The following BAZ2B variants were observed in gnomAD, a reference collection of about 807,000 sequenced individuals.
BAZ2B encodes bromodomain adjacent to zinc finger domain protein 2B.
A neutral mutation model predicts 246.0 loss-of-function variants in BAZ2B; 91 were observed. That is an observed-to-expected ratio of 0.37 (90% CI 0.31 to 0.44). The LOEUF is 0.44. BAZ2B is among the 20% of genes least tolerant of loss of function. The pLI, the probability that BAZ2B is intolerant of heterozygous loss-of-function variation, is 1.00. For missense variants in BAZ2B, 2,332 were observed against 2,533.7 expected, an observed-to-expected ratio of 0.92 and a Z score of 1.71; for synonymous variants, 855 against 860.0, an observed-to-expected ratio of 0.99 and a Z score of 0.10.
intron 2 of BAZ2B, among the ~76,000 whole-genome samples, chr2:159,526,341 G>A (rs560024923): frequency 2.6e-5 from 4 of 152,174 alleles, no homozygotes; most frequent in Admixed American, 6.5e-5. Flanking sequence ...CATGTAGACC[G>A]TAATACAGTA....
At chr2:159,657,608 C>G in the BAZ2B span, among the ~76,000 whole-genome samples, 1 of 152,176 alleles carries the variant, frequency 6.6e-6, no homozygotes, top group Admixed American at 6.6e-5. Context: ...GAATATCTCA[C>G]AATTTACTTA....
chr2:159,426,230 T>C (rs2069834926), intron 13 of BAZ2B, among the ~76,000 whole-genome samples: 1 of 152,168 alleles, frequency 6.6e-6, no homozygotes, highest in Non-Finnish European at 1.5e-5. Flanking sequence ...TTCTACTCTG[T>C]GTAATGAGGC....
intron 2 of BAZ2B, among the ~76,000 whole-genome samples, chr2:159,482,153 A>G (rs1411075225): frequency 6.6e-6 from 1 of 151,862 alleles, no homozygotes; most frequent in African/African-American, 2.4e-5. Context: ...AAACCCACAA[A>G]GTCTTCCATA....
At chr2:159,594,654 T>G (rs1013816994) in intron 1 of BAZ2B, among the ~76,000 whole-genome samples, 2 of 151,666 alleles carry the variant, frequency 1.3e-5, no homozygotes, top group Non-Finnish European at 2.9e-5. Flanking sequence ...TTTCTTGACA[T>G]GTAATCTTGT....
chr2:159,609,221 G>GT (rs1473317001), intron 1 of BAZ2B, among the ~76,000 whole-genome samples: 1 of 152,056 alleles, frequency 6.6e-6, no homozygotes, highest in African/African-American at 2.4e-5. Context: ...CCTAAATACT[G>GT]TAAGAGCATA....
chr2:159,528,968 G>A (rs2085055485), intron 2 of BAZ2B, among the ~76,000 whole-genome samples: 1 of 132,532 alleles, frequency 7.5e-6, no homozygotes. Context: ...TTGTGGGGGG[G>A]TGGGGGTGGG....
chr2:159,327,459 CCT>C (rs1332464198), intron 34 of BAZ2B, among the ~76,000 whole-genome samples: 2 of 152,046 alleles, frequency 1.3e-5, no homozygotes, highest in East Asian at 1.9e-4. Context: ...AATCACAACC[CCT>C]GTCACTAACT....
intron 2 of BAZ2B, among the ~76,000 whole-genome samples, chr2:159,532,434 T>C (rs2085472308): frequency 6.6e-6 from 1 of 152,188 alleles, no homozygotes; most frequent in Non-Finnish European, 1.5e-5. Flanking sequence ...AGGCCTATTA[T>C]GTGCAAAATA....
At chr2:159,703,674 A>G in the BAZ2B span, among the ~76,000 whole-genome samples, 1 of 152,154 alleles carries the variant, frequency 6.6e-6, no homozygotes, top group East Asian at 1.9e-4. Flanking sequence ...GCTTGAGCCC[A>G]GGAGGTCAAG....
At position 159,449,168 on chromosome 2, in the gene BAZ2B, T is replaced by C. The variant is rs542941625; in HGVS notation, c.335-759A>G. Among the ~76,000 whole-genome samples, 4 of 152,296 alleles carry C rather than the reference T, an allele frequency of 2.6e-5. No individual in the cohort carries two copies. The South Asian group carries it at 8.3e-4, about 32-fold the overall frequency. ...TGGTAGAAAATCATTCAATAAAAGG[T>C]AAATACTTAAATAGTGTCTCTTAAA... is the stretch of plus-strand genomic sequence containing the variant. On this transcript the variant is annotated intron_variant, in intron 4 of 36. Transcript: ENST00000392783.
chr2:159,347,309 A>T (rs1331916696), intron 31 of BAZ2B, among the ~76,000 whole-genome samples, 177 bp downstream of exon 31: 1 of 151,178 alleles, frequency 6.6e-6, no homozygotes, highest in Non-Finnish European at 1.5e-5. Context: ...TTGGCACATT[A>T]CTTACTCTGA....
chr2:159,489,387 T>C lies in BAZ2B; in HGVS notation c.-2-10666A>G, dbSNP rs555780861. On this transcript the variant is annotated intron_variant, in intron 2 of 36. Coordinates refer to ENST00000392783, the MANE Select transcript of BAZ2B (RefSeq NM_013450.4). ...GTCTGAACAACAGACAAAATAAGCA[T>C]CGAAAAACAGTTAAAACTGACCCAG... Among the ~76,000 whole-genome samples, 7 of 151,934 alleles carry C rather than the reference T, an allele frequency of 4.6e-5. No homozygotes were observed. In the East Asian group the frequency reaches 7.7e-4, roughly 17 times the overall value.
At chr2:159,477,664 AATT>A (rs985278770) in intron 3 of BAZ2B, among the ~76,000 whole-genome samples, 5 of 152,184 alleles carry the variant, frequency 3.3e-5, no homozygotes, top group Non-Finnish European at 7.4e-5. Context: ...AAATAGTTAA[AATT>A]AAAATGTTTC....
At chr2:159,645,110 A>G in the BAZ2B span, among the ~76,000 whole-genome samples, 12 of 152,170 alleles carry the variant, frequency 7.9e-5, no homozygotes, top group African/African-American at 2.7e-4. Flanking sequence ...ACTTGTCTCT[A>G]CAAACAATAA....
intron 36 of BAZ2B, among the ~76,000 whole-genome samples, chr2:159,324,392 T>C (rs1412500243): frequency 2.0e-5 from 3 of 152,156 alleles, no homozygotes; most frequent in Non-Finnish European, 4.4e-5. Context: ...TAACAATATT[T>C]GAGTCAATTT....
chr2:159,648,129 G>GTTTA, the BAZ2B span, among the ~76,000 whole-genome samples: 164 of 151,826 alleles, frequency 1.1e-3, no homozygotes, highest in Non-Finnish European at 1.8e-3. Flanking sequence ...CTATTTGTTT[G>GTTTA]TTTATTTATT....
At chr2:159,548,712 T>C (rs1270307565) in intron 2 of BAZ2B, among the ~76,000 whole-genome samples, 2 of 152,168 alleles carry the variant, frequency 1.3e-5, no homozygotes, top group Non-Finnish European at 2.9e-5. Flanking sequence ...GGTGGAAGGA[T>C]TGCTTGAGGC....
the BAZ2B span, among the ~76,000 whole-genome samples, chr2:159,708,581 CTTTA>C: frequency 1.4e-4 from 2 of 13,830 alleles, no homozygotes; most frequent in African/African-American, 5.5e-4. Context: ...TTATTTATTT[CTTTA>C]TTTATTTATT....
chr2:159,679,959 C>G, the BAZ2B span, among the ~76,000 whole-genome samples: 11,658 of 152,208 alleles, frequency 0.077, 943 homozygotes, highest in African/African-American at 0.2. Context: ...GCTCCCATTG[C>G]GATGAATTTT....
Sources: gnomAD v4.1 joint callset for allele counts (sites outside exome capture counted in the v4.1 genomes callset) on GRCh38, gnomAD v4.1.1 for gene constraint, MANE v1.5 for transcripts, NCBI Gene and HGNC (gene_info 2026-07-23, HGNC 2026-07-21) for gene names.